Variants in ZMAT3 observed in about 807,000 individuals in gnomAD.
ZMAT3 encodes the protein zinc finger matrin-type protein 3.
Under a neutral mutation model 32.3 loss-of-function variants are expected in ZMAT3, and 17 were observed. The observed-to-expected ratio is 0.53, with a 90% confidence interval of 0.36 to 0.79. ZMAT3 has a LOEUF of 0.79. Ranked by LOEUF, ZMAT3 falls within the 30% of genes least tolerant of loss-of-function variation. The pLI, the probability that ZMAT3 is intolerant of heterozygous loss-of-function variation, is 0.00. For synonymous variants in ZMAT3, 120 were observed against 133.1 expected, an observed-to-expected ratio of 0.90 and a Z score of 0.68; for missense variants, 329 against 359.7, an observed-to-expected ratio of 0.91 and a Z score of 0.69.
chr3:179,031,934 T>TCCCTCCACCTCCCCCTCC lies in ZMAT3; in HGVS notation c.271-936_271-935insGGAGGGGGAGGTGGAGGG, dbSNP rs1560085552. ...ATAAAAAAAAAAAAAACTCTCCCTC[T>TCCCTCCACCTCCCCCTCC]CCCTCCCCCTCCCCCTCCCCCTCCC... On this transcript the variant is annotated intron_variant, in intron 2 of 5. Transcript: ENST00000311417. Among the ~76,000 whole-genome samples, 12 of 5,018 alleles carry TCCCTCCACCTCCCCCTCC rather than the reference T, an allele frequency of 2.4e-3. 3 individuals are homozygous for TCCCTCCACCTCCCCCTCC. Among genetic ancestry groups the TCCCTCCACCTCCCCCTCC allele is most frequent in the Admixed American group, 3.6e-3 (2 of 550 alleles). 3.3% of individuals were successfully genotyped at this position (5,018 alleles called of 152,430 possible). A position where few individuals can be genotyped will look rare whatever the true frequency, so the allele number is the denominator to read the frequency against.
At chr3:179,048,152 G>A (rs770951537) in intron 2 of ZMAT3, among the ~76,000 whole-genome samples, 4 of 152,176 alleles carry the variant, frequency 2.6e-5, no homozygotes, top group Non-Finnish European at 4.4e-5. Flanking sequence ...CCTCGAAGAA[G>A]TTTGAGATTA....
intron 3 of ZMAT3, 78 bp from the exon 4 acceptor site, chr3:179,027,890 G>T: frequency 6.9e-7 from 1 of 1,454,150 alleles, no homozygotes; most frequent in South Asian, 1.5e-5. Flanking sequence ...GTCTTTCTAA[G>T]AGCTGAAAAA....
intron 2 of ZMAT3, among the ~76,000 whole-genome samples, chr3:179,055,356 ATGGAG>A (rs1179825153): frequency 6.6e-6 from 1 of 152,168 alleles, no homozygotes; most frequent in Non-Finnish European, 1.5e-5. Context: ...AGGAGGGCAA[ATGGAG>A]TGAAGTGCCA....
intron 2 of ZMAT3, among the ~76,000 whole-genome samples, chr3:179,035,734 A>G (rs1719552633): frequency 6.6e-6 from 1 of 152,246 alleles, no homozygotes; most frequent in Non-Finnish European, 1.5e-5. Flanking sequence ...CAAGCAATAA[A>G]TAACTGTTGG....
At chr3:179,059,045 T>C (rs1264523114) in intron 2 of ZMAT3, among the ~76,000 whole-genome samples, 1 of 152,014 alleles carries the variant, frequency 6.6e-6, no homozygotes, top group East Asian at 1.9e-4. Flanking sequence ...AGGAAGCCAT[T>C]AGGAGATTGT....
chr3:179,030,829 A>G (rs771775221), intron 3 of ZMAT3, 51 bp downstream of exon 3: 2 of 1,580,580 alleles, frequency 1.3e-6, no homozygotes, highest in East Asian at 2.3e-5. Context: ...CCATTTGTGC[A>G]TATTACAGCT....
chr3:179,039,363 G>T (rs1576850518), intron 2 of ZMAT3, among the ~76,000 whole-genome samples: 1 of 152,208 alleles, frequency 6.6e-6, no homozygotes, highest in East Asian at 1.9e-4. Flanking sequence ...AGATTCCGGA[G>T]GAAGGATCAG....
At chr3:179,038,637 C>T (rs776994155) in intron 2 of ZMAT3, among the ~76,000 whole-genome samples, 10 of 152,258 alleles carry the variant, frequency 6.6e-5, no homozygotes, top group Non-Finnish European at 1.3e-4. Context: ...CAGCTCCCAG[C>T]GTGATCAATG....
At chr3:179,061,647 A>C (rs1721157436) in intron 2 of ZMAT3, among the ~76,000 whole-genome samples, 1 of 152,188 alleles carries the variant, frequency 6.6e-6, no homozygotes, top group Non-Finnish European at 1.5e-5. Context: ...TATAATCCAC[A>C]TATGAAGCAA....
At chr3:179,045,997 T>C (rs1009486146) in intron 2 of ZMAT3, among the ~76,000 whole-genome samples, 1 of 152,142 alleles carries the variant, frequency 6.6e-6, no homozygotes, top group South Asian at 2.1e-4. Flanking sequence ...GTGGTTTAAC[T>C]AGGAAAACAC....
At chr3:179,068,505 G>A (rs1441136566) in intron 1 of ZMAT3, among the ~76,000 whole-genome samples, 1 of 150,044 alleles carries the variant, frequency 6.7e-6, no homozygotes, top group Admixed American at 6.6e-5. Context: ...GAGCAAGACT[G>A]TGACTCAAAA....
At chr3:179,027,878 A>G (rs1718967425) in intron 3 of ZMAT3, 66 bp from the exon 4 acceptor site, 6 of 1,498,908 alleles carry the variant, frequency 4.0e-6, no homozygotes, top group Non-Finnish European at 5.3e-6. Flanking sequence ...TTCTCCTCAA[A>G]GGTCTTTCTA....
At position 179,030,733 on chromosome 3, in the gene ZMAT3, G is replaced by T. The variant is rs1051374248; in HGVS notation, c.390+147C>A. 2.2e-5 allele frequency: 27 copies of T among 1,232,244 alleles called. No individual in the cohort carries two copies. The East Asian group carries it at 4.8e-4, about 22-fold the overall frequency. The allele number at this position is 1,232,244 out of a possible 1,614,324, so 76.3% of individuals were successfully genotyped here. On this transcript the variant is annotated intron_variant, in intron 3 of 5. Coordinates refer to ENST00000311417, the MANE Select transcript of ZMAT3 (RefSeq NM_022470.4). ...ATTAAATCCAGCACTGTAGTTCAAG[G>T]AGTTAAAAGTACCAAGCAGCATCTT...
In ZMAT3 at chr3:179,021,784, A is replaced by ATTG. The variant is rs1245635880; in HGVS notation, c.*3230_*3232dup. On this transcript the variant is annotated 3_prime_UTR_variant, in exon 6 of 6. Coordinates refer to ENST00000311417, the MANE Select transcript of ZMAT3 (RefSeq NM_022470.4). Reference sequence around the variant, plus strand: ...TTTATGGAATACATGAATATGAGAAATTGTACCATGCAGAGATGTATCTAT... The same window carrying ATTG: ...TTTATGGAATACATGAATATGAGAAATTGTTGTACCATGCAGAGATGTATCTAT... 6.6e-6 allele frequency: 1 copy of ATTG among 152,230 alleles called. No homozygotes were observed. Among genetic ancestry groups the ATTG allele is most frequent in the Non-Finnish European group, 1.5e-5 (1 of 68,024 alleles). The allele number at this position is 152,230 out of a possible 1,614,324, so 9.4% of individuals were successfully genotyped here.
At chr3:179,066,529 G>A (rs1214446844) in intron 2 of ZMAT3, among the ~76,000 whole-genome samples, 1 of 152,196 alleles carries the variant, frequency 6.6e-6, no homozygotes, top group Non-Finnish European at 1.5e-5. Flanking sequence ...GTGCACAACA[G>A]AAGAAACACC....
intron 5 of ZMAT3, among the ~76,000 whole-genome samples, chr3:179,026,313 G>T (rs1036678788): frequency 2.7e-5 from 4 of 148,398 alleles, no homozygotes; most frequent in Non-Finnish European, 6.0e-5. Context: ...TTTGGACTTT[G>T]GTAATTTTAC....
intron 2 of ZMAT3, among the ~76,000 whole-genome samples, chr3:179,057,470 T>C (rs1720907893): frequency 6.6e-6 from 1 of 152,180 alleles, no homozygotes; most frequent in African/African-American, 2.4e-5. Flanking sequence ...ATAGCCCCCA[T>C]CTATCTGGCC....
intron 2 of ZMAT3, among the ~76,000 whole-genome samples, chr3:179,045,412 T>C (rs1720180192): frequency 6.6e-6 from 1 of 152,096 alleles, no homozygotes; most frequent in African/African-American, 2.4e-5. Flanking sequence ...AACAGATAAA[T>C]TGTAGATTAT....
At chr3:179,035,209 C>T (rs1160962866) in intron 2 of ZMAT3, among the ~76,000 whole-genome samples, 1 of 152,146 alleles carries the variant, frequency 6.6e-6, no homozygotes, top group Non-Finnish European at 1.5e-5. Context: ...GTTCTGGCCC[C>T]ATCTAATTGA....
Sources: allele counts gnomAD v4.1 joint callset (sites outside exome capture counted in the v4.1 genomes callset), GRCh38; gene constraint gnomAD v4.1.1; transcripts MANE v1.5; gene names NCBI Gene and HGNC (gene_info 2026-07-23, HGNC 2026-07-21).